The following PRICKLE1 variants were observed in gnomAD, a reference collection of about 807,000 sequenced individuals.
The protein encoded by PRICKLE1 is prickle planar cell polarity protein 1.
A neutral mutation model predicts 70.2 loss-of-function variants in PRICKLE1; 14 were observed. The ratio of observed to expected loss-of-function variants is 0.20; its 90% CI spans 0.13 to 0.31. The LOEUF is 0.31. PRICKLE1 is among the 10% of genes least tolerant of loss of function. The pLI is 1.00. For missense variants in PRICKLE1, 821 were observed against 1,026.2 expected (o/e 0.80, Z 2.73); for synonymous variants, 357 against 379.9 (o/e 0.94, Z 0.70).
chr12:42,558,234 A>C (rs1389112738), intron 1 of PRICKLE1, among the ~76,000 whole-genome samples: 5 of 152,236 alleles, frequency 3.3e-5, no homozygotes, highest in African/African-American at 9.6e-5. Flanking sequence ...CATATAAGAA[A>C]TATAAAAGAT....
chr12:42,462,645 G>C (rs939385970), intron 7 of PRICKLE1, among the ~76,000 whole-genome samples: 1 of 152,118 alleles, frequency 6.6e-6, no homozygotes, highest in East Asian at 1.9e-4. Flanking sequence ...ACAGAAGCCG[G>C]GGGGGTAGCT....
At chr12:42,533,336 C>T (rs1346111700) in intron 1 of PRICKLE1, among the ~76,000 whole-genome samples, 1 of 151,658 alleles carries the variant, frequency 6.6e-6, no homozygotes, top group Admixed American at 6.6e-5. Context: ...ATGACTTAAA[C>T]ATTCAACTCC....
intron 1 of PRICKLE1, among the ~76,000 whole-genome samples, chr12:42,496,590 A>C (rs1280979085): frequency 6.6e-6 from 1 of 152,234 alleles, no homozygotes; most frequent in African/African-American, 2.4e-5. Flanking sequence ...AACTGCATTG[A>C]AAATCTGTTG....
chr12:42,571,624 G>A (rs754441102), intron 1 of PRICKLE1, among the ~76,000 whole-genome samples: 3 of 152,334 alleles, frequency 2.0e-5, no homozygotes, highest in South Asian at 2.1e-4. Context: ...GGGAGCTTAC[G>A]CTTGTTTTTA....
At chr12:42,514,484 T>C (rs774063986) in intron 1 of PRICKLE1, among the ~76,000 whole-genome samples, 10 of 152,142 alleles carry the variant, frequency 6.6e-5, no homozygotes, top group Non-Finnish European at 1.3e-4. Context: ...ACTTAATTAC[T>C]GCTACAAAAG....
chr12:42,470,220 A>C (rs1229787015), intron 3 of PRICKLE1, 26 bp downstream of exon 3: 6 of 1,489,950 alleles, frequency 4.0e-6, no homozygotes, highest in Non-Finnish European at 5.6e-6. Context: ...TCTTTTTTCT[A>C]ATTAGCCTTC....
At chr12:42,466,021 ACT>A (rs1938082310) in intron 6 of PRICKLE1, 171 bp downstream of exon 6, 5 of 714,980 alleles carry the variant, frequency 7.0e-6, no homozygotes, top group East Asian at 2.7e-5. Flanking sequence ...ACAAGAATCA[ACT>A]CTCTGTTCAT....
In PRICKLE1 at chr12:42,475,858, T is replaced by TG. The variant is rs5797797; in HGVS notation, c.-48-3295dup. On this transcript the variant is annotated intron_variant, in intron 1 of 7. Coordinates refer to ENST00000345127, the MANE Select transcript of PRICKLE1 (RefSeq NM_153026.3). ...CCTGTAATCCCAGCATTTGGGAGGC[T>TG]GGGGGGGGGCGGGGGCAGACCACCT... 1.6e-3 allele frequency among the ~76,000 whole-genome samples: 241 copies of TG among 149,066 alleles called. 1 individual carries two copies. Among genetic ancestry groups the TG allele is most frequent in the Middle Eastern group, 6.9e-3 (2 of 290 alleles).
chr12:42,553,985 T>TCC (rs1036018004), intron 1 of PRICKLE1, among the ~76,000 whole-genome samples: 1 of 152,236 alleles, frequency 6.6e-6, no homozygotes, highest in African/African-American at 2.4e-5. Context: ...GCGCCTGTAA[T>TCC]CCCAGCTACT....
chr12:42,580,602 A>C (rs975058180), intron 1 of PRICKLE1, among the ~76,000 whole-genome samples: 21 of 152,188 alleles, frequency 1.4e-4, no homozygotes, highest in African/African-American at 4.8e-4. Context: ...TGAGCATATT[A>C]TTTGAAAACA....
chr12:42,477,579 T>C (rs1408086340), intron 1 of PRICKLE1, among the ~76,000 whole-genome samples: 1 of 149,070 alleles, frequency 6.7e-6, no homozygotes, highest in Non-Finnish European at 1.5e-5. Flanking sequence ...CACTATATGG[T>C]ATTTACTTTT....
intron 1 of PRICKLE1, among the ~76,000 whole-genome samples, chr12:42,588,556 C>T (rs1465353711): frequency 2.0e-5 from 3 of 151,210 alleles, no homozygotes; most frequent in African/African-American, 7.3e-5. Flanking sequence ...GTGTGTTTGC[C>T]TTGTTCATGG....
chr12:42,503,664 T>C (rs566214756), intron 1 of PRICKLE1, among the ~76,000 whole-genome samples: 29 of 152,308 alleles, frequency 1.9e-4, no homozygotes, highest in African/African-American at 6.5e-4. Context: ...AGCTGATTTC[T>C]CTTCTGAGTC....
chr12:42,540,648 C>T (rs188709675), intron 1 of PRICKLE1, among the ~76,000 whole-genome samples: 3 of 152,132 alleles, frequency 2.0e-5, no homozygotes, highest in East Asian at 1.9e-4. Context: ...CTGTAACCTC[C>T]GCCTCCCGGG....
intron 1 of PRICKLE1, among the ~76,000 whole-genome samples, chr12:42,493,472 C>T (rs12302804): frequency 0.038 from 5,707 of 152,152 alleles, 359 homozygotes; most frequent in African/African-American, 0.13. Flanking sequence ...CAAATTCAAA[C>T]GAATTGACTA....
chr12:42,565,775 G>A (rs1396355258), intron 1 of PRICKLE1, among the ~76,000 whole-genome samples: 3 of 152,180 alleles, frequency 2.0e-5, no homozygotes, highest in Non-Finnish European at 4.4e-5. Flanking sequence ...GGATCCCAGA[G>A]GCTGGTGAGA....
At chr12:42,585,833 G>C (rs1940978110) in intron 1 of PRICKLE1, among the ~76,000 whole-genome samples, 1 of 152,146 alleles carries the variant, frequency 6.6e-6, no homozygotes, top group Non-Finnish European at 1.5e-5. Context: ...ACCAGTTACT[G>C]GGGCAGATGA....
chr12:42,478,931 C>T (rs1200225652), intron 1 of PRICKLE1, among the ~76,000 whole-genome samples: 1 of 151,926 alleles, frequency 6.6e-6, no homozygotes, highest in Non-Finnish European at 1.5e-5. Flanking sequence ...GAACATCTGA[C>T]CCAAAGGATA....
intron 1 of PRICKLE1, among the ~76,000 whole-genome samples, chr12:42,585,335 G>A (rs1206027676): frequency 2.6e-5 from 4 of 152,228 alleles, no homozygotes; most frequent in Admixed American, 6.5e-5. Flanking sequence ...AGGTCTAATC[G>A]GTTCAGGCTG....
Sources: gnomAD v4.1 joint callset for allele counts (sites outside exome capture counted in the v4.1 genomes callset) on GRCh38, gnomAD v4.1.1 for gene constraint, MANE v1.5 for transcripts, NCBI Gene and HGNC (gene_info 2026-07-23, HGNC 2026-07-21) for gene names.